G3BP2: variants seen among roughly 807,000 people sequenced by gnomAD.
G3BP2 encodes the protein ras GTPase-activating protein-binding protein 2.
Under a neutral mutation model 56.7 loss-of-function variants are expected in G3BP2, and 11 were observed. The observed-to-expected ratio is 0.19, with a 90% confidence interval of 0.12 to 0.32. The LOEUF (loss-of-function observed/expected upper bound fraction) is 0.32. Among genes scored for constraint, G3BP2 ranks in the 10% least tolerant of loss-of-function variants. G3BP2 has a pLI of 1.00. For synonymous variants in G3BP2, 165 were observed against 191.6 expected, an observed-to-expected ratio of 0.86 and a Z score of 1.15; for missense variants, 340 against 610.9, an observed-to-expected ratio of 0.56 and a Z score of 4.67.
At chr4:75,663,356 G>GGCTCAA (rs1223157530) in intron 1 of G3BP2, among the ~76,000 whole-genome samples, 1 of 151,898 alleles carries the variant, frequency 6.6e-6, no homozygotes, top group African/African-American at 2.4e-5. Flanking sequence ...GCCAGGCTCA[G>GGCTCAA]GCTCAGGCTC....
At chr4:75,658,760 A>T in intron 3 of G3BP2, 83 bp downstream of exon 3, 1 of 846,706 alleles carries the variant, frequency 1.2e-6, no homozygotes, top group Non-Finnish European at 2.0e-6. Context: ...AAGAAAAAAA[A>T]AGCCATGGAC....
At chr4:75,680,536 C>T (rs994780047) in intron 3 of G3BP2, among the ~76,000 whole-genome samples, 1 of 152,112 alleles carries the variant, frequency 6.6e-6, no homozygotes, top group Non-Finnish European at 1.5e-5. Context: ...GTTATAAAAC[C>T]GAGGCAAACC....
intron 3 of G3BP2, chr4:75,695,029 T>C (rs1719045626): frequency 1.6e-6 from 1 of 627,336 alleles, no homozygotes; most frequent in Non-Finnish European, 2.0e-6. Flanking sequence ...AGAGCCAGTA[T>C]CCAGAAGACT....
intron 3 of G3BP2, among the ~76,000 whole-genome samples, chr4:75,707,188 A>AG (rs1452821236): frequency 6.6e-6 from 1 of 151,818 alleles, no homozygotes; most frequent in African/African-American, 2.4e-5. Flanking sequence ...AAAAAAAAAA[A>AG]AAAAACAGAA....
chr4:75,648,309 T>C (rs947005560), intron 9 of G3BP2, among the ~76,000 whole-genome samples: 8 of 148,288 alleles, frequency 5.4e-5, no homozygotes, highest in Admixed American at 3.4e-4. Flanking sequence ...GATCACGCCA[T>C]TGTACTCCAG....
chr4:75,702,136 T>TC (rs1055184069), intron 3 of G3BP2, among the ~76,000 whole-genome samples: 2 of 150,082 alleles, frequency 1.3e-5, no homozygotes. Context: ...TAAGTGCCGT[T>TC]CCCCCCTACC....
At chr4:75,675,212 T>G (rs1319034258), upstream of G3BP2, among the ~76,000 whole-genome samples, 1 of 152,188 alleles carries the variant, frequency 6.6e-6, no homozygotes, top group African/African-American at 2.4e-5. Context: ...GCAATTCACT[T>G]ATCTGCCCTA....
At chr4:75,674,719 T>TATATATATATATATATATATATATATA (rs57822618), upstream of G3BP2, among the ~76,000 whole-genome samples, 2 of 51,032 alleles carry the variant, frequency 3.9e-5, no homozygotes, top group South Asian at 6.9e-4. Context: ...TATATATATA[T>TATATATATATATATATATATATATATA]TTTTTTTTTT....
chr4:75,647,499 A>C (rs989550224), intron 9 of G3BP2, among the ~76,000 whole-genome samples: 22 of 147,924 alleles, frequency 1.5e-4, no homozygotes, highest in African/African-American at 5.2e-4. Context: ...GGTATAGCTT[A>C]CTAAATATTT....
At chr4:75,689,169 G>A (rs936660171) in intron 3 of G3BP2, among the ~76,000 whole-genome samples, 7 of 152,182 alleles carry the variant, frequency 4.6e-5, no homozygotes, top group Non-Finnish European at 7.4e-5. Flanking sequence ...TTGAGACCAG[G>A]AGTTCGAGAC....
intron 10 of G3BP2, 114 bp downstream of exon 10, chr4:75,646,915 G>A (rs949131865): frequency 6.3e-6 from 4 of 630,020 alleles, no homozygotes; most frequent in African/African-American, 5.6e-5. Flanking sequence ...CTGGTAGCTG[G>A]ACACAGTATA....
rs1352807020 is a variant in G3BP2 at position 75,648,753 on chromosome 4, A to AG, written c.826-13dup. ...GCTTCGACTCTTGGCTAAAATATAA[A>AG]GAAAAAAAAACATTATAAAAAACAC... is the stretch of plus-strand genomic sequence containing the variant. On this transcript the variant is annotated splice_polypyrimidine_tract_variant and intron_variant, in intron 8 of 11. Coordinates refer to ENST00000359707, the MANE Select transcript of G3BP2 (RefSeq NM_203505.3). 1 of 1,549,212 alleles carries AG rather than the reference A, an allele frequency of 6.5e-7. No individual in the cohort carries two copies. Among genetic ancestry groups the AG allele is most frequent in the Admixed American group, 1.7e-5 (1 of 58,964 alleles).
chr4:75,667,431 AG>A (rs1733143835), intron 1 of G3BP2, among the ~76,000 whole-genome samples: 6 of 152,316 alleles, frequency 3.9e-5, no homozygotes, highest in Admixed American at 3.9e-4. Flanking sequence ...CAACCTTTTT[AG>A]AAAAAGTTAA....
Position 75,648,806 on chromosome 4 carries a change from C to T in G3BP2, c.826-65G>A. On this transcript the variant is annotated intron_variant, in intron 8 of 11. Coordinates refer to ENST00000359707, the MANE Select transcript of G3BP2 (RefSeq NM_203505.3). ...CACTGGAGAAAAACCAACCAAAGCACCTAACGACAAGTCACTAGCAGACAT... is the reference window on the plus strand; with the variant it reads ...CACTGGAGAAAAACCAACCAAAGCATCTAACGACAAGTCACTAGCAGACAT... The T allele has an allele frequency of 3.3e-6, 3 of 910,228 alleles. No homozygotes were observed. The Admixed American group carries it at 5.9e-5, about 18-fold the overall frequency. 56.4% of individuals were successfully genotyped at this position (910,228 alleles called of 1,614,324 possible).
chr4:75,681,581 G>A (rs1311199897), intron 3 of G3BP2, among the ~76,000 whole-genome samples: 3 of 152,044 alleles, frequency 2.0e-5, no homozygotes. Flanking sequence ...CAGGCGTGGT[G>A]GCTCACCCCT....
At chr4:75,715,554 C>T (rs1719898538) in intron 3 of G3BP2, among the ~76,000 whole-genome samples, 1 of 152,230 alleles carries the variant, frequency 6.6e-6, no homozygotes, top group East Asian at 1.9e-4. Context: ...TGTTAGACCA[C>T]AAGAAGGACC....
intron 3 of G3BP2, among the ~76,000 whole-genome samples, chr4:75,716,936 T>A (rs1277380750): frequency 6.6e-6 from 1 of 152,164 alleles, no homozygotes; most frequent in Non-Finnish European, 1.5e-5. Context: ...CTTACAATCT[T>A]CTCATCTTCC....
In G3BP2 at chr4:75,708,551, A is replaced by T. The variant is rs75681186; in HGVS notation, c.-25+12326T>A. Among the ~76,000 whole-genome samples, 326 of 152,360 alleles carry T rather than the reference A, an allele frequency of 2.1e-3. 5 individuals are homozygous for T. The East Asian group carries it at 0.036, about 17-fold the overall frequency. ...CTTAAAGGGGGAAGCAGTGCCTCCTAGAGGCAATTATGCTGGTGGAAGCAG... is the reference window on the plus strand; with the variant it reads ...CTTAAAGGGGGAAGCAGTGCCTCCTTGAGGCAATTATGCTGGTGGAAGCAG... On this transcript the variant is annotated intron_variant, in intron 3 of 3. Transcript: ENST00000499709.
At chr4:75,680,904 G>T (rs755804397) in intron 3 of G3BP2, among the ~76,000 whole-genome samples, 1 of 151,376 alleles carries the variant, frequency 6.6e-6, no homozygotes, top group East Asian at 1.9e-4. Flanking sequence ...GGAGGCAGAG[G>T]TTGCAGTGAG....
Sources: gnomAD v4.1 joint callset for allele counts (sites outside exome capture counted in the v4.1 genomes callset) on GRCh38, gnomAD v4.1.1 for gene constraint, MANE v1.5 for transcripts, NCBI Gene and HGNC (gene_info 2026-07-23, HGNC 2026-07-21) for gene names.